CEP128: variants seen among roughly 807,000 people sequenced by gnomAD.
CEP128 encodes centrosomal protein 128.
A neutral mutation model predicts 156.7 loss-of-function variants in CEP128; 132 were observed. The ratio of observed to expected loss-of-function variants is 0.84; its 90% CI spans 0.73 to 0.97. The LOEUF (loss-of-function observed/expected upper bound fraction) is 0.97, where lower values mean the gene tolerates loss of function less well. Ranked by LOEUF, CEP128 falls within the 50% of genes least tolerant of loss-of-function variation. CEP128 has a pLI of 0.00. For missense variants in CEP128, 1,252 were observed against 1,281.9 expected (o/e 0.98, Z 0.36); for synonymous variants, 469 against 448.9 (o/e 1.04, Z -0.57).
chr14:80,806,245 G>A (rs185839276), intron 13 of CEP128, among the ~76,000 whole-genome samples: 2 of 152,138 alleles, frequency 1.3e-5, no homozygotes, highest in African/African-American at 4.8e-5. Context: ...CAACCTCTTT[G>A]TACTTTTTAA....
intron 19 of CEP128, among the ~76,000 whole-genome samples, chr14:80,633,912 G>A (rs555242586): frequency 6.6e-6 from 1 of 152,156 alleles, no homozygotes; most frequent in Non-Finnish European, 1.5e-5. Context: ...AATTCATCAA[G>A]AGCTATGTAC....
rs561350618 is a variant in CEP128, at chr14:80,743,123, T to C, written c.2758A>G (p.Ile920Val). Reference sequence around the variant, plus strand: ...TCCAGAAGCTGCTCCTGCCTTTCTATCTGTTGAAAGAGACACTGCAACTCA... The same window carrying C: ...TCCAGAAGCTGCTCCTGCCTTTCTACCTGTTGAAAGAGACACTGCAACTCA... ...ESELQCLFQQIERQEQLLDEI... is the reference protein window; with the variant it reads ...ESELQCLFQQVERQEQLLDEI... The change falls in exon 19 of 25, where the codon ATA becomes GTA. Residue 920 changes from isoleucine to valine, a missense_variant. Ile to Val is a conservative substitution (Grantham distance 29). Coordinates refer to ENST00000555265, the MANE Select transcript of CEP128 (RefSeq NM_152446.5). 7.1e-5 allele frequency: 115 copies of C among 1,613,824 alleles called. No individual in the cohort carries two copies. The South Asian group carries it at 1.2e-3, about 17-fold the overall frequency.
At chr14:80,672,939 A>G (rs1419553034) in intron 19 of CEP128, among the ~76,000 whole-genome samples, 1 of 152,164 alleles carries the variant, frequency 6.6e-6, no homozygotes, top group Non-Finnish European at 1.5e-5. Flanking sequence ...TCTTTTTATA[A>G]AAATAATTTA....
chr14:80,816,474 G>A (rs1019297024), intron 13 of CEP128, among the ~76,000 whole-genome samples: 1 of 152,164 alleles, frequency 6.6e-6, no homozygotes, highest in African/African-American at 2.4e-5. Context: ...CACTCAAACA[G>A]TGAATGTTCT....
intron 20 of CEP128, among the ~76,000 whole-genome samples, chr14:80,575,628 T>G (rs1302683399): frequency 6.6e-6 from 1 of 152,206 alleles, no homozygotes; most frequent in Non-Finnish European, 1.5e-5. Context: ...GCATCATGTC[T>G]GACACATAGT....
chr14:80,592,981 G>A (rs1261121332), intron 19 of CEP128, among the ~76,000 whole-genome samples: 1 of 152,114 alleles, frequency 6.6e-6, no homozygotes, highest in Non-Finnish European at 1.5e-5. Context: ...AATAAACTAG[G>A]TATTGAGGGA....
chr14:80,667,920 T>C (rs962814620), intron 19 of CEP128, among the ~76,000 whole-genome samples: 3 of 151,376 alleles, frequency 2.0e-5, no homozygotes, highest in African/African-American at 7.3e-5. Flanking sequence ...TATGGTGCTA[T>C]GACAAAGACT....
downstream of CEP128, among the ~76,000 whole-genome samples, chr14:80,487,950 T>C (rs908653920): frequency 2.0e-5 from 3 of 150,946 alleles, no homozygotes; most frequent in Non-Finnish European, 3.0e-5. Context: ...GACACCCTAA[T>C]GTCACAATTA....
chr14:80,644,898 T>G (rs1165985040), intron 19 of CEP128, among the ~76,000 whole-genome samples: 1 of 152,180 alleles, frequency 6.6e-6, no homozygotes, highest in African/African-American at 2.4e-5. Flanking sequence ...CTGAAATTAC[T>G]AATTTGCATT....
chr14:80,630,314 A>C (rs1370088858), intron 19 of CEP128, among the ~76,000 whole-genome samples: 1 of 152,018 alleles, frequency 6.6e-6, no homozygotes, highest in Non-Finnish European at 1.5e-5. Context: ...TTTTTAAGAA[A>C]TCATAAAATT....
At chr14:80,606,284 A>C (rs1566807440) in intron 19 of CEP128, among the ~76,000 whole-genome samples, 1 of 152,164 alleles carries the variant, frequency 6.6e-6, no homozygotes, top group Non-Finnish European at 1.5e-5. Context: ...AGAGTTGACC[A>C]TTAAGCAGCA....
intron 13 of CEP128, among the ~76,000 whole-genome samples, chr14:80,795,605 T>C (rs1202131765): frequency 6.6e-6 from 1 of 152,160 alleles, no homozygotes; most frequent in Non-Finnish European, 1.5e-5. Context: ...TGTGACCACA[T>C]AGAGAGTCAA....
chr14:80,561,836 G>T (rs1421745129), intron 20 of CEP128, among the ~76,000 whole-genome samples: 1 of 150,904 alleles, frequency 6.6e-6, no homozygotes, highest in African/African-American at 2.4e-5. Flanking sequence ...TATGTGCCTA[G>T]TTTATGTGAC....
chr14:80,680,459 C>T (rs1208415368), intron 19 of CEP128, among the ~76,000 whole-genome samples: 2 of 152,128 alleles, frequency 1.3e-5, no homozygotes, highest in African/African-American at 4.8e-5. Context: ...TACTCGCTCA[C>T]CTGGTTCAGC....
chr14:80,558,788 T>A lies in CEP128; in HGVS notation c.2880+491A>T, dbSNP rs148748289. 9.8e-5 allele frequency among the ~76,000 whole-genome samples: 15 copies of A among 152,360 alleles called. No individual in the cohort carries two copies. The East Asian group carries it at 2.9e-3, about 29-fold the overall frequency. On this transcript the variant is annotated intron_variant, in intron 21 of 24. Transcript: ENST00000555265. Reference sequence around the variant, plus strand: ...GACATCTATGAACTTGAAAAATTATTTCTTAATAGCACATTCCTACAAGTA... The same window carrying A: ...GACATCTATGAACTTGAAAAATTATATCTTAATAGCACATTCCTACAAGTA...
At chr14:80,959,366 C>T (rs1886897932) in intron 1 of CEP128, 1 of 152,162 alleles carries the variant, frequency 6.6e-6, no homozygotes, top group Non-Finnish European at 1.5e-5. Context: ...TAAATGTTGG[C>T]ATATAATTAT....
chr14:80,574,821 T>C (rs758810172), intron 20 of CEP128, among the ~76,000 whole-genome samples: 6 of 152,200 alleles, frequency 3.9e-5, no homozygotes, highest in East Asian at 1.9e-4. Context: ...CTAAGCACTA[T>C]TGAGGTGACA....
chr14:80,808,952 G>A (rs917068144), intron 13 of CEP128, among the ~76,000 whole-genome samples: 2 of 152,148 alleles, frequency 1.3e-5, no homozygotes, highest in Admixed American at 6.5e-5. Context: ...AATGCAGGAA[G>A]CATGAAAAAG....
intron 23 of CEP128, among the ~76,000 whole-genome samples, chr14:80,515,411 A>G (rs1350507171): frequency 6.6e-6 from 1 of 152,198 alleles, no homozygotes; most frequent in Non-Finnish European, 1.5e-5. Context: ...AAGCCACAAG[A>G]CAAAGTTCTC....
Sources: gnomAD v4.1 joint callset for allele counts (sites outside exome capture counted in the v4.1 genomes callset) on GRCh38, gnomAD v4.1.1 for gene constraint, MANE v1.5 for transcripts, NCBI Gene and HGNC (gene_info 2026-07-23, HGNC 2026-07-21) for gene names.